Variants in GDA observed in about 807,000 individuals in gnomAD.
The protein encoded by GDA is cytoplasmic PSD-95 interactor.
Under a neutral mutation model 59.6 loss-of-function variants are expected in GDA, and 18 were observed. That is an observed-to-expected ratio of 0.30 (90% CI 0.21 to 0.45). The LOEUF (loss-of-function observed/expected upper bound fraction) is 0.45. Ranked by LOEUF, GDA falls within the 20% of genes least tolerant of loss-of-function variation. GDA has a pLI of 1.00. For synonymous variants in GDA, 201 were observed against 201.1 expected, an observed-to-expected ratio of 1.00 and a Z score of 0.00; for missense variants, 427 against 552.3, an observed-to-expected ratio of 0.77 and a Z score of 2.27.
intron 10 of GDA, among the ~76,000 whole-genome samples, chr9:72,231,551 C>T (rs902214899): frequency 1.3e-5 from 2 of 148,592 alleles, no homozygotes; most frequent in African/African-American, 5.0e-5. Flanking sequence ...GGTGACAGAG[C>T]GAGACTCTGT....
rs947998376 is a variant in GDA at position 72,121,470 on chromosome 9, G to A, written c.-100+6637G>A. On this transcript the variant is annotated intron_variant, in intron 1 of 13. Transcript: ENST00000545168. ...AAATTAGCTGGGCGTGGTGGCAGGCGCCTGTAATCCCAGCTACTCGGGAGG... is the reference window on the plus strand; with the variant it reads ...AAATTAGCTGGGCGTGGTGGCAGGCACCTGTAATCCCAGCTACTCGGGAGG... 3.9e-5 allele frequency among the ~76,000 whole-genome samples: 6 copies of A among 152,224 alleles called. No individual in the cohort carries two copies. The South Asian group carries it at 6.2e-4, about 16-fold the overall frequency.
At chr9:72,155,069 A>G (rs539389493) in intron 1 of GDA, among the ~76,000 whole-genome samples, 1 of 152,322 alleles carries the variant, frequency 6.6e-6, no homozygotes, top group African/African-American at 2.4e-5. Context: ...CGATGTGAAC[A>G]ATGAGAAGTT....
In GDA at chr9:72,223,121, A is replaced by T. The variant is rs1837108469; in HGVS notation, c.608A>T (p.Tyr203Phe). Residue 203 changes from tyrosine (Y) to phenylalanine (F), a missense_variant and splice_region_variant, in exon 7 of 14, where the codon TAT becomes TTT. Tyr to Phe is a conservative substitution (Grantham distance 22). Coordinates refer to ENST00000358399, the MANE Select transcript of GDA (RefSeq NM_004293.5). ...TCAATTGTTTTTAATTATCTCCAGTATTCTAGAGTGAAGCCCATAGTGACA... is the reference window on the plus strand; with the variant it reads ...TCAATTGTTTTTAATTATCTCCAGTTTTCTAGAGTGAAGCCCATAGTGACA... ...RFVSEMLQKN[Y>F]SRVKPIVTPR... 6.6e-7 allele frequency: 1 copy of T among 1,505,898 alleles called. No homozygotes were observed. The highest frequency in any genetic ancestry group is 1.4e-5 in the African/African-American group (1 of 72,790). The allele number at this position is 1,505,898 out of a possible 1,614,324, so 93.3% of individuals were successfully genotyped here.
At chr9:72,200,056 G>T (rs1833757778) in intron 2 of GDA, among the ~76,000 whole-genome samples, 1 of 144,552 alleles carries the variant, frequency 6.9e-6, no homozygotes, top group South Asian at 2.2e-4. Flanking sequence ...GGAGTGCAGT[G>T]GCATGATCTC....
chr9:72,186,319 C>G (rs1831855498), intron 1 of GDA, among the ~76,000 whole-genome samples: 1 of 152,150 alleles, frequency 6.6e-6, no homozygotes, highest in Non-Finnish European at 1.5e-5. Context: ...TGTATCCCCA[C>G]TAGCCTCTCT....
chr9:72,244,768 T>C (rs1323507294), intron 11 of GDA, among the ~76,000 whole-genome samples: 1 of 152,144 alleles, frequency 6.6e-6, no homozygotes, highest in East Asian at 1.9e-4. Context: ...AGTTGGAGTG[T>C]TGGGGGAGAA....
chr9:72,229,244 G>T (rs967544002), intron 9 of GDA: 2 of 155,878 alleles, frequency 1.3e-5, no homozygotes, highest in African/African-American at 5.0e-5. Context: ...CCAGCTACTC[G>T]TGAGGCTGAG....
At chr9:72,213,588 G>A (rs1835668263) in intron 4 of GDA, among the ~76,000 whole-genome samples, 1 of 151,956 alleles carries the variant, frequency 6.6e-6, no homozygotes, top group Admixed American at 6.5e-5. Context: ...CGGATCACAA[G>A]GTCAGGAGAT....
At chr9:72,162,469 A>C (rs1828753203) in intron 1 of GDA, among the ~76,000 whole-genome samples, 1 of 152,076 alleles carries the variant, frequency 6.6e-6, no homozygotes, top group Non-Finnish European at 1.5e-5. Flanking sequence ...TTAACTAGGC[A>C]GAGAGAGGGA....
At chr9:72,167,798 T>C (rs1257639381) in intron 1 of GDA, among the ~76,000 whole-genome samples, 1 of 152,244 alleles carries the variant, frequency 6.6e-6, no homozygotes, top group Non-Finnish European at 1.5e-5. Flanking sequence ...CTCAGTGTAA[T>C]GTCTTGCCCT....
In GDA at chr9:72,124,264, G is replaced by A. The variant is rs114192727; in HGVS notation, c.-100+9431G>A. ...TAACAGCAGTATCAAAGAAAGCAAA[G>A]TGTTAAATATCAGAGAAGTTTCTGT... is the stretch of plus-strand genomic sequence containing the variant. On this transcript the variant is annotated intron_variant, in intron 1 of 13. Coordinates refer to the GDA transcript ENST00000545168. Among the ~76,000 whole-genome samples, 229 of 152,330 alleles carry A rather than the reference G, an allele frequency of 1.5e-3. 2 individuals carry two copies. Among genetic ancestry groups the A allele is most frequent in the African/African-American group, 5.2e-3 (217 of 41,578 alleles).
chr9:72,233,741 A>G (rs1315956047), intron 10 of GDA, among the ~76,000 whole-genome samples: 1 of 152,162 alleles, frequency 6.6e-6, no homozygotes, highest in Non-Finnish European at 1.5e-5. Flanking sequence ...CAGGTGTTTG[A>G]GATCAGCCTT....
chr9:72,198,551 T>C (rs1252266263), intron 2 of GDA, among the ~76,000 whole-genome samples: 1 of 149,158 alleles, frequency 6.7e-6, no homozygotes, highest in East Asian at 2.0e-4. Context: ...AAAAAATTAA[T>C]GCAAAAACTC....
At chr9:72,166,337 A>G (rs888027704) in intron 1 of GDA, among the ~76,000 whole-genome samples, 19 of 146,148 alleles carry the variant, frequency 1.3e-4, no homozygotes, top group African/African-American at 4.7e-4. Context: ...GTCCTCACTC[A>G]TATGCAGGAG....
At chr9:72,240,124 A>G (rs1445107078) in intron 10 of GDA, among the ~76,000 whole-genome samples, 1 of 152,196 alleles carries the variant, frequency 6.6e-6, no homozygotes, top group Non-Finnish European at 1.5e-5. Flanking sequence ...TCATTTGATT[A>G]TGATTAGGGA....
intron 1 of GDA, among the ~76,000 whole-genome samples, chr9:72,150,979 A>G (rs928451337): frequency 1.3e-5 from 2 of 152,188 alleles, no homozygotes; most frequent in African/African-American, 2.4e-5. Flanking sequence ...AAACTGGTGT[A>G]AGATTAGAGG....
In GDA at chr9:72,161,781, G is replaced by A. The variant is rs117693057; in HGVS notation, c.123+12099G>A. On this transcript the variant is annotated intron_variant, in intron 1 of 13. Transcript: ENST00000358399. ...TAAGCAATAGCTCTTGTTATCCATC[G>A]CCTATCCATCATAGTACTTTACACA... Among the ~76,000 whole-genome samples, 760 of 152,266 alleles carry A rather than the reference G, an allele frequency of 5.0e-3. 3 individuals carry two copies. The highest frequency in any genetic ancestry group is 6.8e-3 in the Middle Eastern group (2 of 294).
At chr9:72,134,711 G>C (rs1256631095) in intron 1 of GDA, among the ~76,000 whole-genome samples, 1 of 152,152 alleles carries the variant, frequency 6.6e-6, no homozygotes, top group Non-Finnish European at 1.5e-5. Flanking sequence ...GCCGGCACTT[G>C]TTTTTTATGG....
Position 72,149,525 on chromosome 9 carries a change from C to T in GDA, c.-35C>T. 1 of 1,605,136 alleles carries T rather than the reference C, an allele frequency of 6.2e-7. No individual in the cohort carries two copies. Among genetic ancestry groups the T allele is most frequent in the Non-Finnish European group, 8.5e-7 (1 of 1,177,924 alleles). On this transcript the variant is annotated 5_prime_UTR_variant, in exon 1 of 14. Transcript: ENST00000358399. ...GCGTCTCCGCCGCGTGCGCCCTCCT[C>T]GACCAGCAGACCCGCGCTGCGCTCC...
Sources: allele counts gnomAD v4.1 joint callset (sites outside exome capture counted in the v4.1 genomes callset), GRCh38; gene constraint gnomAD v4.1.1; transcripts MANE v1.5; gene names NCBI Gene and HGNC (gene_info 2026-07-23, HGNC 2026-07-21).